DENND2A: variants seen among roughly 807,000 people sequenced by gnomAD.
DENND2A encodes the protein DENN domain-containing protein 2A.
A neutral mutation model predicts 105.3 loss-of-function variants in DENND2A; 53 were observed. That is an observed-to-expected ratio of 0.50 (90% CI 0.40 to 0.63). The LOEUF is 0.63. DENND2A is among the 30% of genes least tolerant of loss of function. The pLI is 0.00. For missense variants in DENND2A, 1,138 were observed against 1,279.6 expected (o/e 0.89, Z 1.69); for synonymous variants, 522 against 508.4 (o/e 1.03, Z -0.36).
At chr7:140,548,061 T>C (rs900841805) in intron 12 of DENND2A, among the ~76,000 whole-genome samples, 4 of 152,164 alleles carry the variant, frequency 2.6e-5, no homozygotes, top group Non-Finnish European at 4.4e-5. Context: ...TCTGTGAATA[T>C]GCTGAAAGCC....
intron 8 of DENND2A, 87 bp from the exon 9 acceptor site, chr7:140,567,360 A>G: frequency 1.7e-6 from 2 of 1,190,404 alleles, no homozygotes; most frequent in South Asian, 3.2e-5. Context: ...GTGAGCAAAG[A>G]GCCTGAAATG....
At chr7:140,557,747 C>T (rs1485991805) in intron 11 of DENND2A, among the ~76,000 whole-genome samples, 1 of 149,430 alleles carries the variant, frequency 6.7e-6, no homozygotes, top group East Asian at 2.0e-4. Context: ...ACCATGTTAG[C>T]CAGGATGGTC....
chr7:140,587,968 C>T (rs972689070), intron 3 of DENND2A, among the ~76,000 whole-genome samples, 188 bp from the exon 4 acceptor site: 1 of 152,144 alleles, frequency 6.6e-6, no homozygotes, highest in Admixed American at 6.5e-5. Context: ...TGGAGGGCAG[C>T]GGCGCCATCT....
chr7:140,567,007 C>A, intron 9 of DENND2A, 79 bp downstream of exon 9: 1 of 1,355,546 alleles, frequency 7.4e-7, no homozygotes, highest in Non-Finnish European at 9.9e-7. Context: ...CAGACTCCCA[C>A]ACCTCCCTCA....
In DENND2A at chr7:140,558,161, A is replaced by G; in HGVS notation, c.1941T>C (p.Gly647=). The G allele has an allele frequency of 1.2e-6, 2 of 1,613,698 alleles. No individual in the cohort carries two copies. The highest frequency in any genetic ancestry group is 1.7e-6 in the Non-Finnish European group (2 of 1,179,654). ...LTGEDGSRRF[G]YCRRLLPGGK... ...TACTCACCAGCAGTCTTCGGCAGTA[A>G]CCGAACCTTCTGCTCCCATCTTCTC... The change falls in exon 11 of 20, where the codon GGT becomes GGC. Residue 647 remains glycine (G), a synonymous_variant. Coordinates refer to ENST00000496613, the MANE Select transcript of DENND2A (RefSeq NM_015689.5).
At chr7:140,622,723 C>CCTTCTT (rs144845111) in intron 1 of DENND2A, among the ~76,000 whole-genome samples, 3 of 151,770 alleles carry the variant, frequency 2.0e-5, no homozygotes, top group Non-Finnish European at 2.9e-5. Context: ...AATACTTTTT[C>CCTTCTT]CTTCTTCTTC....
chr7:140,567,332 G>A (rs963151248), intron 8 of DENND2A, 59 bp from the exon 9 acceptor site: 12 of 1,400,636 alleles, frequency 8.6e-6, no homozygotes, highest in Non-Finnish European at 1.0e-5. Context: ...GAGAGAGAGA[G>A]AGAGAGAGAG....
chr7:140,553,456 A>C lies in DENND2A; in HGVS notation c.2037+2180T>G, dbSNP rs750876721. On this transcript the variant is annotated intron_variant, in intron 12 of 19. Transcript: ENST00000496613. Reference sequence around the variant, plus strand: ...CGCAGGCACGGCAGGAGACAGATGCATTCCTCTTGTCTCAACTGCAAAGAG... The same window carrying C: ...CGCAGGCACGGCAGGAGACAGATGCCTTCCTCTTGTCTCAACTGCAAAGAG... Among the ~76,000 whole-genome samples the C allele has an allele frequency of 6.0e-4, 92 of 152,210 alleles. 1 individual carries two copies. The highest frequency in any genetic ancestry group is 3.0e-3 in the Admixed American group (46 of 15,272).
chr7:140,624,484 G>A (rs1365294179), intron 1 of DENND2A, among the ~76,000 whole-genome samples: 1 of 152,226 alleles, frequency 6.6e-6, no homozygotes, highest in Non-Finnish European at 1.5e-5. Flanking sequence ...TGACAACACT[G>A]TGGCCCAGGG....
intron 9 of DENND2A, among the ~76,000 whole-genome samples, chr7:140,560,368 G>A (rs1797564659): frequency 6.6e-6 from 1 of 152,164 alleles, no homozygotes. Flanking sequence ...AAGGAAATAA[G>A]CCCCGAGGTG....
At position 140,518,557 on chromosome 7, in the gene DENND2A, C is replaced by A. The variant is rs1795739951; in HGVS notation, c.*150G>T. 5.5e-6 allele frequency: 4 copies of A among 722,454 alleles called. No individual in the cohort carries two copies. The highest frequency in any genetic ancestry group is 8.8e-6 in the Non-Finnish European group (4 of 452,866). The allele number at this position is 722,454 out of a possible 1,614,324, so 44.8% of individuals were successfully genotyped here. A position where few individuals can be genotyped will look rare whatever the true frequency, so the allele number is the denominator to read the frequency against. ...CCCAGGCGGCTCCCAGGTCCTCATC[C>A]AGGGAAGAGCCCAGCCTCGGCCAGA... On this transcript the variant is annotated 3_prime_UTR_variant, in exon 20 of 20. Coordinates refer to ENST00000496613, the MANE Select transcript of DENND2A (RefSeq NM_015689.5).
In DENND2A at chr7:140,527,751, T is replaced by G. The variant is rs1796117461; in HGVS notation, c.2328-256A>C. Among the ~76,000 whole-genome samples the G allele has an allele frequency of 6.6e-6, 1 of 152,182 alleles. No individual in the cohort carries two copies. Among genetic ancestry groups the G allele is most frequent in the South Asian group, 2.1e-4 (1 of 4,824 alleles). On this transcript the variant is annotated intron_variant, in intron 14 of 19. Coordinates refer to ENST00000496613, the MANE Select transcript of DENND2A (RefSeq NM_015689.5). This position sits in a 1 kb window ranked among gnomAD's most constrained non-coding sequence, Gnocchi z 4.9. ...TACAAGTGCGTTTCCACATGTGAGC[T>G]GCACGCCCTGCACTCTCCCGCCCTG...
rs762733207 is a variant in DENND2A, at chr7:140,567,212, T to C, written c.1653A>G (p.Ser551=). 1 of 1,613,264 alleles carries C rather than the reference T, an allele frequency of 6.2e-7. No individual in the cohort carries two copies. The highest frequency in any genetic ancestry group is 8.5e-7 in the Non-Finnish European group (1 of 1,179,878). ...GGTACTCGATGAGTTCCCGGGCAAG[T>C]GATGGGTACCGAGGCGCCTGCTTCA... The part of the protein sequence containing the change: ...SRLKQAPRYP[S]LARELIEYQE... The change falls in exon 9 of 20, where the codon TCA becomes TCG. Residue 551 remains serine, a synonymous_variant. Coordinates refer to ENST00000496613, the MANE Select transcript of DENND2A (RefSeq NM_015689.5).
At chr7:140,600,106 A>G (rs1223505389) in intron 3 of DENND2A, among the ~76,000 whole-genome samples, 1 of 152,124 alleles carries the variant, frequency 6.6e-6, no homozygotes. Context: ...GGCCTAAGCA[A>G]CTAAACAAAC....
At chr7:140,553,392 C>T (rs996901245) in intron 12 of DENND2A, among the ~76,000 whole-genome samples, 5 of 152,240 alleles carry the variant, frequency 3.3e-5, no homozygotes, top group East Asian at 3.8e-4. Context: ...CTCAGTAGAT[C>T]GAACGTACAA....
intron 18 of DENND2A, 41 bp downstream of exon 18, chr7:140,521,814 G>A (rs1409493784): frequency 7.5e-6 from 12 of 1,608,214 alleles, no homozygotes; most frequent in African/African-American, 6.7e-5. Flanking sequence ...AATATAGGGA[G>A]CTCTAGCTGA....
At chr7:140,617,130 T>C (rs1660054841) in intron 1 of DENND2A, among the ~76,000 whole-genome samples, 2 of 152,216 alleles carry the variant, frequency 1.3e-5, no homozygotes, top group Non-Finnish European at 2.9e-5. Flanking sequence ...AATGCTGGGA[T>C]TACAGGCGTG....
intron 12 of DENND2A, among the ~76,000 whole-genome samples, chr7:140,553,642 C>T (rs4289723): frequency 3.3e-5 from 5 of 151,888 alleles, no homozygotes; most frequent in Non-Finnish European, 5.9e-5. Flanking sequence ...GAGGTCCCTG[C>T]GGCCTTCCGC....
In DENND2A at chr7:140,640,087, T is replaced by A. The variant is rs1308285286; in HGVS notation, c.-248+417A>T. 6.6e-6 allele frequency among the ~76,000 whole-genome samples: 1 copy of A among 152,102 alleles called. No individual in the cohort carries two copies. Among genetic ancestry groups the A allele is most frequent in the Non-Finnish European group, 1.5e-5 (1 of 67,994 alleles). On this transcript the variant is annotated intron_variant, in intron 1 of 19. Coordinates refer to ENST00000496613, the MANE Select transcript of DENND2A (RefSeq NM_015689.5). This position sits in a 1 kb window ranked among gnomAD's most constrained non-coding sequence, Gnocchi z 4.9. Reference sequence around the variant, plus strand: ...GCTCAGCCGCCTCGATGCCCCGCGCTTGCACGCGCACGCACACACTCACAC... The same window carrying A: ...GCTCAGCCGCCTCGATGCCCCGCGCATGCACGCGCACGCACACACTCACAC...
Sources: allele counts gnomAD v4.1 joint callset (sites outside exome capture counted in the v4.1 genomes callset), GRCh38; gene constraint gnomAD v4.1.1; non-coding constraint Gnocchi (gnomAD v3.1); transcripts MANE v1.5; gene names NCBI Gene and HGNC (gene_info 2026-07-23, HGNC 2026-07-21).